Variants in LIPA observed in about 807,000 individuals in gnomAD.
LIPA encodes the protein lysosomal acid lipase/cholesteryl ester hydrolase.
In LIPA, 26 loss-of-function variants were observed where a neutral mutation model predicts 40.6. That is an observed-to-expected ratio of 0.64 (90% confidence interval 0.47 to 0.89). LIPA has a LOEUF of 0.89. Ranked by LOEUF, LIPA falls within the 40% of genes least tolerant of loss-of-function variation. The pLI is 0.00. For synonymous variants in LIPA, 188 were observed against 168.4 expected, an observed-to-expected ratio of 1.12 and a Z score of -0.90; for missense variants, 455 against 479.6, an observed-to-expected ratio of 0.95 and a Z score of 0.48.
rs377251678 is a variant in LIPA, at chr10:89,228,326, T to C, written c.302A>G (p.Asn101Ser). The C allele has an allele frequency of 1.7e-5, 28 of 1,614,212 alleles. No homozygotes were observed. The highest frequency in any genetic ancestry group is 1.6e-4 in the Middle Eastern group (1 of 6,062). Residue 101 changes from asparagine to serine, a missense_variant, in exon 4 of 10, where the codon AAC becomes AGC. Coordinates refer to ENST00000336233, the MANE Select transcript of LIPA (RefSeq NM_000235.4). ...AGCAAGAATGAAGCCCAGGCTGCTG[T>C]TGGCAAGGTTTGTGACCCAGTTACT... ...DSSNWVTNLA[N>S]SSLGFILADA...
chr10:89,261,081 T>A (rs1843205013), intron 1 of LIPA, among the ~76,000 whole-genome samples: 1 of 152,210 alleles, frequency 6.6e-6, no homozygotes, highest in Non-Finnish European at 1.5e-5. Context: ...ACGACATGTA[T>A]GGACACCTAC....
intron 1 of LIPA, among the ~76,000 whole-genome samples, chr10:89,317,822 GT>G (rs1214794823): frequency 6.6e-6 from 1 of 152,068 alleles, no homozygotes; most frequent in Non-Finnish European, 1.5e-5. Flanking sequence ...AGAGAGAAGG[GT>G]CAGGTTACCC....
intron 1 of LIPA, among the ~76,000 whole-genome samples, chr10:89,319,795 TCGA>T (rs1202406542): frequency 5.3e-5 from 8 of 152,124 alleles, no homozygotes. Flanking sequence ...CTGATGAACA[TCGA>T]TGCAATGCAA....
chr10:89,222,615 A>T (rs899289266), intron 7 of LIPA, 33 bp from the exon 8 acceptor site: 5 of 1,294,918 alleles, frequency 3.9e-6, no homozygotes, highest in Non-Finnish European at 5.6e-6. Flanking sequence ...TGAAGAATGA[A>T]AACAGCATTA....
chr10:89,288,086 C>T (rs1843351357), intron 1 of LIPA, among the ~76,000 whole-genome samples: 1 of 152,164 alleles, frequency 6.6e-6, no homozygotes, highest in Admixed American at 6.5e-5. Context: ...TTGCGGACAG[C>T]CCCCATTACT....
At chr10:89,243,127 G>A (rs557375649) in intron 3 of LIPA, among the ~76,000 whole-genome samples, 99 of 152,314 alleles carry the variant, frequency 6.5e-4, no homozygotes, top group African/African-American at 2.3e-3. Flanking sequence ...CTTTGGGTGT[G>A]AAAGGCCTTC....
chr10:89,217,743 A>G (rs181927658), intron 8 of LIPA, among the ~76,000 whole-genome samples: 1 of 152,368 alleles, frequency 6.6e-6, no homozygotes, highest in East Asian at 1.9e-4. Flanking sequence ...GTAGTATATC[A>G]TCTCGCTCTG....
chr10:89,341,714 G>C (rs1843872190), intron 1 of LIPA, among the ~76,000 whole-genome samples: 1 of 152,106 alleles, frequency 6.6e-6, no homozygotes, highest in Admixed American at 6.5e-5. Flanking sequence ...TCATCTCTCA[G>C]AATTTAGAAT....
At chr10:89,251,500 G>A (rs1416878690) in intron 1 of LIPA, among the ~76,000 whole-genome samples, 1 of 27,124 alleles carries the variant, frequency 3.7e-5, no homozygotes, top group East Asian at 6.1e-4. Flanking sequence ...GCCCAGGGAA[G>A]AGAGTGGGCT....
chr10:89,230,612 T>A (rs949850103), intron 3 of LIPA, among the ~76,000 whole-genome samples: 3 of 152,170 alleles, frequency 2.0e-5, no homozygotes, highest in Non-Finnish European at 4.4e-5. Context: ...AGCCCGATCA[T>A]GAGTTTTAGA....
intron 2 of LIPA, among the ~76,000 whole-genome samples, chr10:89,368,874 C>T (rs1844076140): frequency 1.3e-5 from 2 of 151,784 alleles, no homozygotes; most frequent in Admixed American, 1.3e-4. Context: ...TACACACAAA[C>T]ATATAAACTT....
intron 1 of LIPA, among the ~76,000 whole-genome samples, chr10:89,333,823 T>C (rs1564789122): frequency 6.6e-6 from 1 of 151,938 alleles, no homozygotes; most frequent in African/African-American, 2.4e-5. Context: ...CCCCGGGAGG[T>C]TGTAAGAAAG....
intron 3 of LIPA, among the ~76,000 whole-genome samples, chr10:89,235,750 C>A (rs767342347): frequency 1.3e-5 from 2 of 152,200 alleles, no homozygotes; most frequent in Non-Finnish European, 2.9e-5. Flanking sequence ...GACACCAGGG[C>A]GTTAGCATGA....
At chr10:89,352,788 T>TAAAAAAAAAAAAA (rs34514402) in intron 2 of LIPA, among the ~76,000 whole-genome samples, 4 of 113,142 alleles carry the variant, frequency 3.5e-5, no homozygotes, top group Non-Finnish European at 5.6e-5. Flanking sequence ...ACTACAAAGA[T>TAAAAAAAAAAAAA]AAAAAAAAAA....
Position 89,338,532 on chromosome 10 carries a change from C to A in LIPA, c.-2+4079G>T, listed in dbSNP as rs143716945. 13 of 854,140 alleles carry A rather than the reference C, an allele frequency of 1.5e-5. No homozygotes were observed. The East Asian group carries it at 2.5e-4, about 16-fold the overall frequency. The allele number at this position is 854,140 out of a possible 1,614,324, so 52.9% of individuals were successfully genotyped here. A position where few individuals can be genotyped will look rare whatever the true frequency, so the allele number is the denominator to read the frequency against. ...TCCAGAAACAACCTCACATACATAC[C>A]CAGAAATAATGTTGGACCAAATATC... On this transcript the variant is annotated intron_variant, in intron 1 of 5. Transcript: ENST00000282673.
chr10:89,219,283 A>G (rs1842666857), intron 8 of LIPA, among the ~76,000 whole-genome samples: 1 of 152,126 alleles, frequency 6.6e-6, no homozygotes, highest in African/African-American at 2.4e-5. Flanking sequence ...AGGCCCAAGA[A>G]CCAGTATTTT....
chr10:89,274,485 G>GA (rs1843280382), intron 1 of LIPA, among the ~76,000 whole-genome samples: 1 of 152,182 alleles, frequency 6.6e-6, no homozygotes, highest in Non-Finnish European at 1.5e-5. Flanking sequence ...AGGCAGCCCA[G>GA]AAGTTAAAGA....
At chr10:89,390,842 AT>A (rs1354765174) in intron 2 of LIPA, among the ~76,000 whole-genome samples, 1 of 152,190 alleles carries the variant, frequency 6.6e-6, no homozygotes, top group South Asian at 2.1e-4. Flanking sequence ...TTGAAAACCC[AT>A]TTTTTCCCAT....
chr10:89,226,849 G>T, intron 5 of LIPA, 46 bp downstream of exon 5: 1 of 1,111,374 alleles, frequency 9.0e-7, no homozygotes, highest in Non-Finnish European at 1.4e-6. Context: ...TACAAACTCT[G>T]TAATGAAGAA....
Sources: gnomAD v4.1 joint callset for allele counts (sites outside exome capture counted in the v4.1 genomes callset) on GRCh38, gnomAD v4.1.1 for gene constraint, MANE v1.5 for transcripts, NCBI Gene and HGNC (gene_info 2026-07-23, HGNC 2026-07-21) for gene names.